Variants in SETDB1 observed in about 807,000 individuals in gnomAD.
SETDB1 encodes the protein histone-lysine N-methyltransferase SETDB1.
A neutral mutation model predicts 137.4 loss-of-function variants in SETDB1; 31 were observed. The ratio of observed to expected loss-of-function variants is 0.23; its 90% CI spans 0.17 to 0.30. The LOEUF is 0.30. Among genes scored for constraint, SETDB1 ranks in the 10% least tolerant of loss-of-function variants. SETDB1 has a pLI of 1.00. For synonymous variants in SETDB1, 548 were observed against 579.9 expected (o/e 0.95, Z 0.79); for missense variants, 1,113 against 1,631.5 (o/e 0.68, Z 5.47).
intron 3 of SETDB1, among the ~76,000 whole-genome samples, chr1:150,934,398 G>C (rs1669883640): frequency 6.6e-6 from 1 of 152,046 alleles, no homozygotes; most frequent in African/African-American, 2.4e-5. Flanking sequence ...GCGTGAACCT[G>C]GGAGGCGGAG....
At chr1:150,928,535 C>T (rs992819915) in intron 2 of SETDB1, among the ~76,000 whole-genome samples, 6 of 151,976 alleles carry the variant, frequency 3.9e-5, no homozygotes, top group South Asian at 2.1e-4. Flanking sequence ...TTCTGTCTTA[C>T]GTAACTCTGA....
Position 150,962,582 on chromosome 1 carries a change from ATTAGAG to A in SETDB1, c.3162-1_3166del. Reference sequence around the variant, plus strand: ...TGTTGGCTTCATTCCTTCCCCTCCCATTAGAGTTACTGAAAGCTCTCGAAATTACGG... The same window carrying A: ...TGTTGGCTTCATTCCTTCCCCTCCCATTACTGAAAGCTCTCGAAATTACGG... On this transcript the variant is annotated splice_acceptor_variant and splice_polypyrimidine_tract_variant and coding_sequence_variant and intron_variant, in exon 18 of 22. Transcript: ENST00000692827. LOFTEE classifies it high-confidence loss of function. 1 of 1,613,942 alleles carries A rather than the reference ATTAGAG, an allele frequency of 6.2e-7. No homozygotes were observed. Among genetic ancestry groups the A allele is most frequent in the Non-Finnish European group, 8.5e-7 (1 of 1,179,876 alleles).
At position 150,943,987 on chromosome 1, in the gene SETDB1, C is replaced by A; in HGVS notation, c.943C>A (p.Arg315=). 6.2e-7 allele frequency: 1 copy of A among 1,609,106 alleles called. No individual in the cohort carries two copies. The highest frequency in any genetic ancestry group is 8.5e-7 in the Non-Finnish European group (1 of 1,175,464). ...VTQSELYPIC[R]PLKKTWEDIE... is the part of the protein sequence containing the mutation. ...ACAGTCGGAACTGTATCCCATTTGC[C>A]GGCCACGTGAGTGTTTCTCCCTTAT... The change falls in exon 8 of 22, where the codon CGG becomes AGG. Residue 315 remains arginine (R), a synonymous_variant. Transcript: ENST00000692827.
rs71090112 is a variant in SETDB1, at chr1:150,933,368, C to CTTTTTTTTTTTT, written c.412+3256_412+3267dup. Among the ~76,000 whole-genome samples, 237 of 118,812 alleles carry CTTTTTTTTTTTT rather than the reference C, an allele frequency of 2.0e-3. 8 individuals are homozygous for CTTTTTTTTTTTT. Among genetic ancestry groups the CTTTTTTTTTTTT allele is most frequent in the Middle Eastern group, 5.1e-3 (1 of 198 alleles). 77.9% of individuals were successfully genotyped at this position (118,812 alleles called of 152,430 possible). A position where few individuals can be genotyped will look rare whatever the true frequency, so the allele number is the denominator to read the frequency against. Reference sequence around the variant, plus strand: ...AGCTACCATGCCTGGCCTATTTTGTCTTTTTTTTTTTTTTTTTGAGACAGT... The same window carrying CTTTTTTTTTTTT: ...AGCTACCATGCCTGGCCTATTTTGTCTTTTTTTTTTTTTTTTTTTTTTTTTTTTTGAGACAGT... On this transcript the variant is annotated intron_variant, in intron 3 of 21. Coordinates refer to ENST00000692827, the MANE Select transcript of SETDB1 (RefSeq NM_001366418.1).
chr1:150,944,151 C>G (rs892536543), intron 8 of SETDB1, 158 bp downstream of exon 8: 2 of 628,238 alleles, frequency 3.2e-6, no homozygotes, highest in Non-Finnish European at 5.7e-6. Context: ...AGTTTGCTCC[C>G]AAAAGAGATA....
At chr1:150,948,653 A>G (rs759804716) in intron 10 of SETDB1, among the ~76,000 whole-genome samples, 5 of 152,136 alleles carry the variant, frequency 3.3e-5, no homozygotes, top group South Asian at 2.1e-4. Context: ...TCAAAAAACA[A>G]TGTATGCCAG....
intron 3 of SETDB1, among the ~76,000 whole-genome samples, chr1:150,932,756 T>C (rs1334977159): frequency 4.6e-5 from 7 of 152,168 alleles, no homozygotes; most frequent in Non-Finnish European, 7.4e-5. Context: ...GCTTACAGGA[T>C]TGATTTTAGA....
intron 7 of SETDB1, among the ~76,000 whole-genome samples, 177 bp downstream of exon 7, chr1:150,943,230 T>C (rs1215104497): frequency 6.6e-6 from 1 of 152,284 alleles, no homozygotes; most frequent in South Asian, 2.1e-4. Context: ...CTCTTTCTCC[T>C]CCTGTTTTTT....
At chr1:150,937,074 A>G (rs1669968460) in intron 3 of SETDB1, among the ~76,000 whole-genome samples, 1 of 152,108 alleles carries the variant, frequency 6.6e-6, no homozygotes, top group African/African-American at 2.4e-5. Flanking sequence ...GCTGTGAGCC[A>G]AGATTGGGCC....
Position 150,963,117 on chromosome 1 carries a change from T to C in SETDB1, c.3438T>C (p.Phe1146=), listed in dbSNP as rs1670873863. The C allele has an allele frequency of 6.2e-7, 1 of 1,613,686 alleles. No individual in the cohort carries two copies. The highest frequency in any genetic ancestry group is 1.3e-5 in the African/African-American group (1 of 74,910). Residue 1146 remains phenylalanine, a synonymous_variant, in exon 19 of 22, where the codon TTT becomes TTC. Transcript: ENST00000692827. ...TISSGSEGDD[F]EDKKNMTGPM... ...CCTCTGGCTCTGAAGGGGATGACTT[T>C]GAGGACAAGAAGAACATGACTGGTA...
Position 150,960,669 on chromosome 1 carries a change from A to C in SETDB1, c.2610A>C (p.Gly870=), listed in dbSNP as rs202176971. The C allele has an allele frequency of 6.2e-7, 1 of 1,613,618 alleles. No homozygotes were observed. The highest frequency in any genetic ancestry group is 2.2e-5 in the East Asian group (1 of 44,878). The change falls in exon 16 of 22, where the codon GGA becomes GGC. Residue 870 remains glycine (G), a synonymous_variant. Transcript: ENST00000692827. ...HIESVENFKE[G]YESDAPCSSD... is the part of the protein sequence containing the mutation. ...AGAGCGTGGAGAACTTCAAAGAAGG[A>C]TATGAGAGTGATGCCCCCTGTTCCT...
rs1571665187 is a variant in SETDB1, at chr1:150,963,041, C to T, written c.3362C>T (p.Ala1121Val). 6.2e-7 allele frequency: 1 copy of T among 1,614,170 alleles called. No individual in the cohort carries two copies. Among genetic ancestry groups the T allele is most frequent in the Non-Finnish European group, 8.5e-7 (1 of 1,180,010 alleles). Reference protein sequence around the residue: ...GESGTSRKPTAGQTSATAVDS... With the variant: ...GESGTSRKPTVGQTSATAVDS... Reference sequence around the variant, plus strand: ...AGTGGGACCAGCCGAAAGCCCACTGCTGGTCAGACTTCGGCTACAGCGGTT... The same window carrying T: ...AGTGGGACCAGCCGAAAGCCCACTGTTGGTCAGACTTCGGCTACAGCGGTT... The change falls in exon 19 of 22, where the codon GCT (alanine) becomes GTT (valine). Residue 1121 changes from alanine (A) to valine (V), a missense_variant. Physicochemically the swap from Ala to Val is moderately conservative, Grantham distance 64. Around this residue, in one of 11 missense-constraint regions of SETDB1, gnomAD observed 373 missense variants for 412.7 expected, o/e 0.90. Coordinates refer to ENST00000692827, the MANE Select transcript of SETDB1 (RefSeq NM_001366418.1).
rs1381917230 is a variant in SETDB1, at chr1:150,963,022, A to T, written c.3343A>T (p.Thr1115Ser). The T allele has an allele frequency of 5.6e-6, 9 of 1,614,106 alleles. No homozygotes were observed. Among genetic ancestry groups the T allele is most frequent in the Non-Finnish European group, 5.9e-6 (7 of 1,180,018 alleles). Residue 1115 changes from threonine to serine, a missense_variant, in exon 19 of 22, where the codon ACC becomes TCC. By Grantham distance (58) the Thr-to-Ser change is moderately conservative. Around this residue, in one of 11 missense-constraint regions of SETDB1, gnomAD observed 373 missense variants for 412.7 expected, o/e 0.90. Coordinates refer to ENST00000692827, the MANE Select transcript of SETDB1 (RefSeq NM_001366418.1). ...SSTESEGESG[T>S]SRKPTAGQTS... ...CACAGAAAGTGAGGGGGAAAGTGGGACCAGCCGAAAGCCCACTGCTGGTCA... is the reference window on the plus strand; with the variant it reads ...CACAGAAAGTGAGGGGGAAAGTGGGTCCAGCCGAAAGCCCACTGCTGGTCA...
intron 5 of SETDB1, 22 bp from the exon 6 acceptor site, chr1:150,942,541 A>G (rs962621470): frequency 6.2e-7 from 1 of 1,603,222 alleles, no homozygotes; most frequent in Admixed American, 1.7e-5. Flanking sequence ...AACTCTTGAG[A>G]ATAACTTTGC....
Position 150,951,107 on chromosome 1 carries a change from A to T in SETDB1, c.2216+17A>T, listed in dbSNP as rs1670479579. The stretch of plus-strand genomic sequence containing the variant: ...TCGGGACAAGTGAGTTGGTGGGGGG[A>T]ATTGCTGCCCCTGCTTCCAACTTTG... On this transcript the variant is annotated intron_variant, in intron 13 of 21. Coordinates refer to ENST00000692827, the MANE Select transcript of SETDB1 (RefSeq NM_001366418.1). 1.3e-6 allele frequency: 2 copies of T among 1,593,704 alleles called. No individual in the cohort carries two copies. Among genetic ancestry groups the T allele is most frequent in the African/African-American group, 2.7e-5 (2 of 74,016 alleles).
intron 7 of SETDB1, among the ~76,000 whole-genome samples, chr1:150,943,500 AC>A (rs1366469757): frequency 6.6e-6 from 1 of 152,082 alleles, no homozygotes; most frequent in East Asian, 1.9e-4. Context: ...AACTGGTGAA[AC>A]CCTGTCTCTA....
chr1:150,948,538 T>C (rs2102711169), intron 10 of SETDB1, among the ~76,000 whole-genome samples: 1 of 152,170 alleles, frequency 6.6e-6, no homozygotes. Flanking sequence ...CCCAAAGTGC[T>C]GGGATTAAAG....
intron 1 of SETDB1, among the ~76,000 whole-genome samples, chr1:150,926,996 T>C (rs1669545351): frequency 6.6e-6 from 1 of 152,210 alleles, no homozygotes; most frequent in African/African-American, 2.4e-5. Context: ...CCAAATCAAC[T>C]CCATCCCCAG....
intron 6 of SETDB1, 53 bp downstream of exon 6, chr1:150,942,741 T>C: frequency 6.3e-7 from 1 of 1,599,976 alleles, no homozygotes; most frequent in Non-Finnish European, 8.5e-7. Flanking sequence ...CACCCTCCAC[T>C]GCTGATTGTT....
Sources: allele counts gnomAD v4.1 joint callset (sites outside exome capture counted in the v4.1 genomes callset), GRCh38; gene constraint gnomAD v4.1.1; regional missense constraint gnomAD v4.1.1; transcripts MANE v1.5; gene names NCBI Gene and HGNC (gene_info 2026-07-23, HGNC 2026-07-21).